The following ZNF644 variants were observed in gnomAD, a reference collection of about 807,000 sequenced individuals.
ZNF644 encodes the protein zinc finger protein 644.
Under a neutral mutation model 108.0 loss-of-function variants are expected in ZNF644, and 20 were observed. The ratio of observed to expected loss-of-function variants is 0.19; its 90% CI spans 0.13 to 0.27. ZNF644 has a LOEUF of 0.27. ZNF644 is among the 10% of genes least tolerant of loss of function. The pLI is 1.00. For missense variants in ZNF644, 1,338 were observed against 1,548.9 expected (o/e 0.86, Z 2.29); for synonymous variants, 542 against 539.1 (o/e 1.01, Z -0.08).
intron 2 of ZNF644, among the ~76,000 whole-genome samples, chr1:90,953,328 G>T (rs1015300693): frequency 6.8e-6 from 1 of 146,596 alleles, no homozygotes; most frequent in Non-Finnish European, 1.5e-5. Context: ...TTCCAAGTAC[G>T]TATAAAAGTT....
At chr1:91,013,248 AT>A in intron 1 of ZNF644, among the ~76,000 whole-genome samples, 1 of 151,692 alleles carries the variant, frequency 6.6e-6, no homozygotes, top group South Asian at 2.1e-4. Flanking sequence ...TAATTTTTGT[AT>A]TTTCAGTAGA....
intron 1 of ZNF644, among the ~76,000 whole-genome samples, chr1:90,989,514 G>A (rs192363965): frequency 3.6e-4 from 55 of 152,308 alleles, no homozygotes; most frequent in Non-Finnish European, 5.7e-4. Context: ...CTGCACTCCA[G>A]CCTGGGCAAT....
At position 90,938,411 on chromosome 1, in the gene ZNF644, A is replaced by G. The variant is rs1391986268; in HGVS notation, c.2943T>C (p.His981=). Residue 981 remains histidine, a synonymous_variant, in exon 3 of 6, where the codon CAT becomes CAC. Coordinates refer to ENST00000337393, the MANE Select transcript of ZNF644 (RefSeq NM_201269.3). The surrounding 1 kb of genome is among the most constrained non-coding windows in gnomAD (Gnocchi z 4.2). ...TFETGVGLSN[H]VRGHLHRAGL... ...CTGCTCTGTGAAGATGCCCCCTGAC[A>G]TGATTTGATAACCCAACACCTGTTT... 1 of 1,613,970 alleles carries G rather than the reference A, an allele frequency of 6.2e-7. No individual in the cohort carries two copies. Among genetic ancestry groups the G allele is most frequent in the Non-Finnish European group, 8.5e-7 (1 of 1,179,906 alleles).
At chr1:90,951,942 G>A (rs1324728494) in intron 2 of ZNF644, among the ~76,000 whole-genome samples, 1 of 152,140 alleles carries the variant, frequency 6.6e-6, no homozygotes, top group African/African-American at 2.4e-5. Context: ...GCAGACAGAA[G>A]GCCATTGCAG....
At chr1:90,962,896 G>C (rs1654473155) in intron 2 of ZNF644, among the ~76,000 whole-genome samples, 1 of 152,108 alleles carries the variant, frequency 6.6e-6, no homozygotes, top group Admixed American at 6.6e-5. Flanking sequence ...AGCAAGGAAA[G>C]ACTTCTTAAA....
At chr1:91,005,176 T>G (rs1160107207) in intron 1 of ZNF644, among the ~76,000 whole-genome samples, 2 of 152,054 alleles carry the variant, frequency 1.3e-5, no homozygotes, top group Non-Finnish European at 2.9e-5. Context: ...AAAAGAGAGT[T>G]GATGCAGCTA....
chr1:90,989,408 T>C (rs1055676935), intron 1 of ZNF644, among the ~76,000 whole-genome samples: 1 of 152,028 alleles, frequency 6.6e-6, no homozygotes, highest in Non-Finnish European at 1.5e-5. Flanking sequence ...ATAGGTGTGG[T>C]AGCACGCGTT....
At chr1:90,934,751 G>A (rs776334780) in intron 4 of ZNF644, among the ~76,000 whole-genome samples, 9 of 152,076 alleles carry the variant, frequency 5.9e-5, no homozygotes, top group Non-Finnish European at 1.2e-4. Context: ...AAATCTATTC[G>A]CTTGTCAACA....
intron 2 of ZNF644, among the ~76,000 whole-genome samples, chr1:90,967,019 C>G (rs1436577698): frequency 1.3e-5 from 2 of 152,160 alleles, no homozygotes; most frequent in African/African-American, 4.8e-5. Flanking sequence ...GCAGAGTCAT[C>G]TTTCCACTTC....
intron 4 of ZNF644, 186 bp from the exon 5 acceptor site, chr1:90,918,340 T>C (rs1649040394): frequency 1.3e-5 from 8 of 617,892 alleles, no homozygotes; most frequent in Non-Finnish European, 2.3e-5. Context: ...TTATCTGTAC[T>C]GTACAGCGGT....
chr1:90,956,868 A>G lies in ZNF644; in HGVS notation c.45-15559T>C, dbSNP rs116362948. 6.9e-3 allele frequency among the ~76,000 whole-genome samples: 1,049 copies of G among 152,266 alleles called. 16 individuals are homozygous for G. Among genetic ancestry groups the G allele is most frequent in the African/African-American group, 0.024 (984 of 41,552 alleles). On this transcript the variant is annotated intron_variant, in intron 2 of 5. Transcript: ENST00000337393. The stretch of plus-strand genomic sequence containing the variant: ...AGCCGTCCTCTAATTAAAAAAATTA[A>G]GTTGGTTCCTTAAAAAGATCAACAA...
At position 90,918,110 on chromosome 1, in the gene ZNF644, T is replaced by C; in HGVS notation, c.3733A>G (p.Lys1245Glu). 1 of 1,614,124 alleles carries C rather than the reference T, an allele frequency of 6.2e-7. No homozygotes were observed. ...TGAGGTAATGTTAGCATTTTCTTCT[T>C]GCTTCCAGATCTTGACCTTGATTTC... ...QKKSRSRSGS[K>E]KKMLTLPHGA... The change falls in exon 5 of 6, where the codon AAG becomes GAG. Residue 1245 changes from lysine (K) to glutamate (E), a missense_variant. Lys to Glu is a moderately conservative substitution (Grantham distance 56, BLOSUM62 1). This residue lies in a region of ZNF644 where 287 missense variants were observed against 310.9 expected (regional missense o/e 0.92). Coordinates refer to ENST00000337393, the MANE Select transcript of ZNF644 (RefSeq NM_201269.3).
At chr1:91,016,124 C>G (rs1660412976) in intron 1 of ZNF644, among the ~76,000 whole-genome samples, 1 of 151,882 alleles carries the variant, frequency 6.6e-6, no homozygotes. Context: ...GTGTGTGTGT[C>G]TGTGTGTAAA....
intron 1 of ZNF644, among the ~76,000 whole-genome samples, chr1:90,991,603 C>T (rs747994118): frequency 6.6e-6 from 1 of 152,150 alleles, no homozygotes; most frequent in Non-Finnish European, 1.5e-5. Context: ...CTCAAGAAAC[C>T]TGCAATCATG....
intron 2 of ZNF644, among the ~76,000 whole-genome samples, chr1:90,960,709 T>C (rs1654254116): frequency 6.6e-6 from 1 of 152,056 alleles, no homozygotes; most frequent in African/African-American, 2.4e-5. Flanking sequence ...CCTTCTAATA[T>C]CCTCTTAGTA....
chr1:91,018,200 G>A (rs1393394984), intron 1 of ZNF644, among the ~76,000 whole-genome samples: 1 of 152,146 alleles, frequency 6.6e-6, no homozygotes, highest in Admixed American at 6.5e-5. Context: ...TAGCCAACCA[G>A]CAGGGTGAGC....
intron 4 of ZNF644, among the ~76,000 whole-genome samples, chr1:90,933,385 G>C (rs1289808802): frequency 6.6e-6 from 1 of 152,076 alleles, no homozygotes. Context: ...CTTCAGGCTG[G>C]GTGCGGTGGC....
chr1:90,939,859 G>A lies in ZNF644; in HGVS notation c.1495C>T (p.Pro499Ser), dbSNP rs1651766955. 1 of 1,613,904 alleles carries A rather than the reference G, an allele frequency of 6.2e-7. No individual in the cohort carries two copies. Among genetic ancestry groups the A allele is most frequent in the Non-Finnish European group, 8.5e-7 (1 of 1,179,942 alleles). Reference sequence around the variant, plus strand: ...CAATTGGTACCAAACACACACTGAGGACACTGTAATCGTGCACTTCTTCCT... The same window carrying A: ...CAATTGGTACCAAACACACACTGAGAACACTGTAATCGTGCACTTCTTCCT... ...DEGRSARLQC[P>S]QCVFGTNCPK... The change falls in exon 3 of 6, where the codon CCT (proline) becomes TCT (serine). Residue 499 changes from proline (P) to serine (S), a missense_variant. Around this residue, in one of 6 missense-constraint regions of ZNF644, gnomAD observed 80 missense variants for 183.0 expected, o/e 0.44. Transcript: ENST00000337393.
At chr1:90,947,956 T>C (rs1227895784) in intron 2 of ZNF644, among the ~76,000 whole-genome samples, 7 of 152,176 alleles carry the variant, frequency 4.6e-5, no homozygotes, top group Non-Finnish European at 7.4e-5. Flanking sequence ...CATCGCAAAA[T>C]TGAATCATTG....
Sources: gnomAD v4.1 joint callset for allele counts (sites outside exome capture counted in the v4.1 genomes callset) on GRCh38, gnomAD v4.1.1 for gene constraint, gnomAD v4.1.1 regional missense constraint, Gnocchi (gnomAD v3.1) non-coding constraint, MANE v1.5 for transcripts, NCBI Gene and HGNC (gene_info 2026-07-23, HGNC 2026-07-21) for gene names.